The following DPP6 variants were observed in gnomAD, a reference collection of about 807,000 sequenced individuals.
The protein encoded by DPP6 is dipeptidyl peptidase like 6.
DPP6 carries 69 observed loss-of-function variants against 122.6 expected under a neutral mutation model. That is an observed-to-expected ratio of 0.56 (90% CI 0.46 to 0.69). DPP6 has a LOEUF of 0.69. Among genes scored for constraint, DPP6 ranks in the 30% least tolerant of loss-of-function variants. The pLI is 0.00. For missense variants in DPP6, 928 were observed against 1,116.9 expected, an observed-to-expected ratio of 0.83 and a Z score of 2.41; for synonymous variants, 418 against 433.1, an observed-to-expected ratio of 0.97 and a Z score of 0.43.
chr7:153,766,729 G>A, the DPP6 span, among the ~76,000 whole-genome samples: 2 of 151,968 alleles, frequency 1.3e-5, no homozygotes, highest in Non-Finnish European at 2.9e-5. Context: ...GGTAATAGAG[G>A]CAACCTCGCT....
rs145803822 is a variant in DPP6 at position 154,664,903 on chromosome 7, T to C, written c.681-4457T>C. The stretch of plus-strand genomic sequence containing the variant: ...AGCATATTGTATAACTTTGGTATAA[T>C]GATCAAGAATAGGAAATTAACATGG... On this transcript the variant is annotated intron_variant, in intron 6 of 25. Coordinates refer to ENST00000377770, the MANE Select transcript of DPP6 (RefSeq NM_130797.4). 5.1e-3 allele frequency among the ~76,000 whole-genome samples: 778 copies of C among 152,332 alleles called. 9 individuals are homozygous for C. Among genetic ancestry groups the C allele is most frequent in the African/African-American group, 0.018 (756 of 41,566 alleles).
chr7:153,890,965 T>A (rs1279217833), intron 1 of DPP6, among the ~76,000 whole-genome samples: 2 of 149,812 alleles, frequency 1.3e-5, no homozygotes, highest in African/African-American at 2.5e-5. Flanking sequence ...CCCAAAGTGC[T>A]GGGATTACAG....
chr7:154,656,885 C>T (rs1248402615), intron 6 of DPP6, among the ~76,000 whole-genome samples: 1 of 87,250 alleles, frequency 1.1e-5, no homozygotes, highest in Non-Finnish European at 2.3e-5. Context: ...GGAGAAGCTG[C>T]GTGGGAGGAG....
At chr7:153,756,627 C>T in the DPP6 span, among the ~76,000 whole-genome samples, 1 of 152,068 alleles carries the variant, frequency 6.6e-6, no homozygotes, top group African/African-American at 2.4e-5. Flanking sequence ...GAAAAGAAAG[C>T]TTAGTTGTCT....
intron 1 of DPP6, among the ~76,000 whole-genome samples, chr7:154,087,413 T>C (rs1360597177): frequency 5.3e-5 from 8 of 152,152 alleles, no homozygotes; most frequent in South Asian, 2.1e-4. Flanking sequence ...GTCTGCTCTC[T>C]ACAGCTGAAG....
intron 3 of DPP6, among the ~76,000 whole-genome samples, chr7:154,519,563 A>G (rs2129943943): frequency 6.6e-6 from 1 of 152,334 alleles, no homozygotes; most frequent in Middle Eastern, 3.4e-3. Context: ...GGACCTGCCT[A>G]CTTTTCCTGG....
At chr7:153,884,987 AATATATATATATATATAT>A (rs56329841), upstream of DPP6, among the ~76,000 whole-genome samples, 5 of 116,466 alleles carry the variant, frequency 4.3e-5, no homozygotes, top group South Asian at 3.1e-4. Flanking sequence ...TCAAAACAAA[AATATATATATATATATAT>A]ATATATATAT....
At chr7:154,648,899 C>T (rs1473532666) in intron 6 of DPP6, among the ~76,000 whole-genome samples, 1 of 139,220 alleles carries the variant, frequency 7.2e-6, no homozygotes, top group East Asian at 2.2e-4. Flanking sequence ...AGCCTGGCAA[C>T]AGAGCGAGAC....
chr7:154,812,338 T>A (rs966915635), intron 16 of DPP6, among the ~76,000 whole-genome samples: 2 of 152,256 alleles, frequency 1.3e-5, no homozygotes, highest in African/African-American at 4.8e-5. Flanking sequence ...TATTCAGTAT[T>A]ATAACTTATA....
In DPP6 at chr7:154,483,748, GC is replaced by G. The variant is rs1213979628; in HGVS notation, c.457+8712del. On this transcript the variant is annotated intron_variant, in intron 3 of 25. Transcript: ENST00000377770. The surrounding 1 kb of genome is among the most constrained non-coding windows in gnomAD (Gnocchi z 8.1). ...CTCGCTCTGTCGCCCAGGCTGGAGTGCAGTGGCACAATCTTGGCTCACTGCA... is the reference window on the plus strand; with the variant it reads ...CTCGCTCTGTCGCCCAGGCTGGAGTGAGTGGCACAATCTTGGCTCACTGCA... 1.3e-5 allele frequency among the ~76,000 whole-genome samples: 2 copies of G among 152,226 alleles called. No homozygotes were observed. The highest frequency in any genetic ancestry group is 1.3e-4 in the Admixed American group (2 of 15,286).
chr7:154,538,337 A>G lies in DPP6; in HGVS notation c.458-2195A>G, dbSNP rs564062067. Among the ~76,000 whole-genome samples the G allele has an allele frequency of 1.1e-4, 17 of 152,246 alleles. No homozygotes were observed. The South Asian group carries it at 3.3e-3, about 30-fold the overall frequency. The stretch of plus-strand genomic sequence containing the variant: ...GGTGGTTTGCTGCACCTATCAACCC[A>G]TCACCTAGGTATTAAGCCCTGCATG... On this transcript the variant is annotated intron_variant, in intron 3 of 25. Coordinates refer to ENST00000377770, the MANE Select transcript of DPP6 (RefSeq NM_130797.4).
chr7:154,178,476 A>G (rs2150742120), intron 1 of DPP6, among the ~76,000 whole-genome samples: 1 of 151,374 alleles, frequency 6.6e-6, no homozygotes, highest in Admixed American at 6.6e-5. Context: ...CAATTGTTTC[A>G]CAGTTTTATT....
intron 1 of DPP6, among the ~76,000 whole-genome samples, chr7:154,359,452 G>T (rs572920568): frequency 6.6e-6 from 1 of 152,198 alleles, no homozygotes; most frequent in South Asian, 2.1e-4. Flanking sequence ...CCTGCCTTCT[G>T]CTGTGTCCTG....
At chr7:154,849,193 A>C (rs556594047) in intron 16 of DPP6, among the ~76,000 whole-genome samples, 2 of 152,300 alleles carry the variant, frequency 1.3e-5, no homozygotes, top group East Asian at 3.9e-4. Flanking sequence ...GAAAAAAATC[A>C]ATTTCCTTCT....
At chr7:154,536,964 A>T (rs1232295900) in intron 3 of DPP6, among the ~76,000 whole-genome samples, 1 of 152,190 alleles carries the variant, frequency 6.6e-6, no homozygotes, top group Non-Finnish European at 1.5e-5. Flanking sequence ...TTAAAGGAAA[A>T]TTCAAAAGTG....
chr7:153,989,220 A>G, intron 1 of DPP6, among the ~76,000 whole-genome samples: 1 of 124,238 alleles, frequency 8.0e-6, no homozygotes, highest in African/African-American at 3.0e-5. Flanking sequence ...AAAATGGGAG[A>G]AAGTGTGAGC....
At chr7:154,675,596 T>C (rs182160047) in intron 7 of DPP6, among the ~76,000 whole-genome samples, 238 of 152,334 alleles carry the variant, frequency 1.6e-3, no homozygotes, top group African/African-American at 5.4e-3. Flanking sequence ...CTCGTTTGTT[T>C]ACGGATTCAA....
upstream of DPP6, among the ~76,000 whole-genome samples, chr7:154,049,446 C>G (rs1450051937): frequency 9.3e-6 from 1 of 107,546 alleles, no homozygotes; most frequent in African/African-American, 3.7e-5. Flanking sequence ...TTCTAACATA[C>G]TAACCACTTT....
At chr7:154,302,694 A>C (rs1216158644) in intron 1 of DPP6, among the ~76,000 whole-genome samples, 1 of 152,198 alleles carries the variant, frequency 6.6e-6, no homozygotes, top group East Asian at 1.9e-4. Flanking sequence ...TTTAGGTGTA[A>C]AAAAATATTT....
Sources: gnomAD v4.1 joint callset for allele counts (sites outside exome capture counted in the v4.1 genomes callset) on GRCh38, gnomAD v4.1.1 for gene constraint, Gnocchi (gnomAD v3.1) non-coding constraint, MANE v1.5 for transcripts, NCBI Gene and HGNC (gene_info 2026-07-23, HGNC 2026-07-21) for gene names.